AHCY: variants seen among roughly 807,000 people sequenced by gnomAD.
AHCY encodes S-adenosyl-L-homocysteine hydrolase.
In AHCY, 24 loss-of-function variants were observed where a neutral mutation model predicts 45.4. That is an observed-to-expected ratio of 0.53 (90% CI 0.38 to 0.74). The LOEUF (loss-of-function observed/expected upper bound fraction) is 0.74. Among genes scored for constraint, AHCY ranks in the 30% least tolerant of loss-of-function variants. The pLI, the probability that AHCY is intolerant of heterozygous loss-of-function variation, is 0.00. For missense variants in AHCY, 449 were observed against 594.1 expected, an observed-to-expected ratio of 0.76 and a Z score of 2.54; for synonymous variants, 245 against 235.1, an observed-to-expected ratio of 1.04 and a Z score of -0.39.
chr20:34,283,000 T>C (rs2036052179), intron 9 of AHCY, among the ~76,000 whole-genome samples: 3 of 152,174 alleles, frequency 2.0e-5, no homozygotes, highest in Admixed American at 2.0e-4. Flanking sequence ...CGGTTTATCC[T>C]TGTATCTTCA....
At chr20:34,245,417 C>G in the AHCY span, among the ~76,000 whole-genome samples, 2 of 150,854 alleles carry the variant, frequency 1.3e-5, no homozygotes, top group Non-Finnish European at 2.9e-5. Flanking sequence ...TAGACAGAGT[C>G]TCACTCTGTC....
At chr20:34,243,775 A>AAC in the AHCY span, among the ~76,000 whole-genome samples, 300 of 151,856 alleles carry the variant, frequency 2.0e-3, 4 homozygotes, top group African/African-American at 7.1e-3. Context: ...AAAAAAAAAA[A>AAC]ACTGTCTCGC....
chr20:34,233,143 C>CTTTT, the AHCY span, among the ~76,000 whole-genome samples: 134 of 100,314 alleles, frequency 1.3e-3, 7 homozygotes, highest in African/African-American at 4.7e-3. Context: ...GGGACAAGAG[C>CTTTT]TTTTTTTTTT....
At position 34,290,837 on chromosome 20, in the gene AHCY, GC is replaced by G. The variant is rs781597431; in HGVS notation, c.659del (p.Gly220AlafsTer40). 6.2e-7 allele frequency: 1 copy of G among 1,614,072 alleles called. No homozygotes were observed. The highest frequency in any genetic ancestry group is 8.5e-7 in the Non-Finnish European group (1 of 1,179,998). ...MIAGKVAVVA[G>X]YGDVGKGCAQ... ...CACAGCCCTTGCCCACATCACCATA[GC>G]CTGCTACCACCGCTACCTTGCCGGC... is the stretch of plus-strand genomic sequence containing the variant. On this transcript the variant is annotated frameshift_variant, in exon 6 of 10. Transcript: ENST00000217426. LOFTEE classifies it high-confidence loss of function. The surrounding 1 kb of genome is among the most constrained non-coding windows in gnomAD (Gnocchi z 4.5).
chr20:34,249,684 A>C, the AHCY span, among the ~76,000 whole-genome samples: 1 of 152,028 alleles, frequency 6.6e-6, no homozygotes, highest in Non-Finnish European at 1.5e-5. Flanking sequence ...CTCAACTCTA[A>C]CACTTCCCCC....
At chr20:34,262,884 ATCT>A in the AHCY span, 1 of 1,614,054 alleles carries the variant, frequency 6.2e-7, no homozygotes, top group South Asian at 1.1e-5. Context: ...AAAAGAAAAG[ATCT>A]TCTAAGGTAA....
the AHCY span, among the ~76,000 whole-genome samples, chr20:34,261,302 C>A: frequency 1.3e-5 from 2 of 151,868 alleles, no homozygotes; most frequent in Non-Finnish European, 2.9e-5. Context: ...AGTTCAAGAC[C>A]AGACTGAGCG....
At chr20:34,288,194 G>A (rs985268377) in intron 8 of AHCY, among the ~76,000 whole-genome samples, 1 of 62,942 alleles carries the variant, frequency 1.6e-5, no homozygotes, top group Non-Finnish European at 6.9e-5. Context: ...GAGCACCCAA[G>A]AGGAGCAGTG....
intron 1 of AHCY, chr20:34,302,890 T>C (rs770318245): frequency 2.0e-6 from 2 of 985,294 alleles, no homozygotes; most frequent in African/African-American, 1.7e-5. Context: ...GGTCCAGGCC[T>C]AGGAGGCCGG....
downstream of AHCY, among the ~76,000 whole-genome samples, chr20:34,277,210 A>C (rs2035916233): frequency 1.3e-5 from 2 of 152,136 alleles, no homozygotes; most frequent in African/African-American, 4.8e-5. Context: ...AGAGGTGGGC[A>C]TGGGGCTTGG....
At chr20:34,297,213 G>A (rs556557373) in intron 1 of AHCY, among the ~76,000 whole-genome samples, 5 of 151,696 alleles carry the variant, frequency 3.3e-5, no homozygotes, top group East Asian at 1.9e-4. Context: ...AATTAAACCC[G>A]ACCCTCCACT....
At chr20:34,250,498 T>A in the AHCY span, among the ~76,000 whole-genome samples, 1 of 151,994 alleles carries the variant, frequency 6.6e-6, no homozygotes, top group Non-Finnish European at 1.5e-5. Flanking sequence ...TGAGATCACA[T>A]CTCAAAAAAA....
chr20:34,305,257 G>A (rs1267588122), upstream of AHCY, among the ~76,000 whole-genome samples: 2 of 151,936 alleles, frequency 1.3e-5, no homozygotes, highest in Admixed American at 6.6e-5. Flanking sequence ...CCGGGAGGCC[G>A]AGCTTGCAGT....
In AHCY at chr20:34,290,715, C is replaced by A; in HGVS notation, c.766+16G>T. 2 of 1,613,810 alleles carry A rather than the reference C, an allele frequency of 1.2e-6. No homozygotes were observed. The highest frequency in any genetic ancestry group is 1.7e-6 in the Non-Finnish European group (2 of 1,179,976). On this transcript the variant is annotated intron_variant, in intron 6 of 9. Transcript: ENST00000217426. This position sits in a 1 kb window ranked among gnomAD's most constrained non-coding sequence, Gnocchi z 4.5. Reference sequence around the variant, plus strand: ...CTGGCCCCAGTGGCTGACAACCAACCCTTGCCCTATCCTACCCTCCATGGC... The same window carrying A: ...CTGGCCCCAGTGGCTGACAACCAACACTTGCCCTATCCTACCCTCCATGGC...
intron 8 of AHCY, among the ~76,000 whole-genome samples, chr20:34,288,122 C>T (rs1425055365): frequency 1.3e-5 from 2 of 152,136 alleles, no homozygotes; most frequent in Non-Finnish European, 2.9e-5. Context: ...CTCTGCCTAG[C>T]CGGGAACTGA....
At chr20:34,255,784 A>G in the AHCY span, among the ~76,000 whole-genome samples, 8 of 152,228 alleles carry the variant, frequency 5.3e-5, no homozygotes, top group African/African-American at 1.7e-4. Flanking sequence ...CTGGTCTAGC[A>G]GTAATGCCAG....
rs1279254418 is a variant in AHCY, at chr20:34,292,371, C to A, written c.432G>T (p.Pro144=). 1.2e-6 allele frequency: 2 copies of A among 1,613,138 alleles called. No individual in the cohort carries two copies. Among genetic ancestry groups the A allele is most frequent in the Non-Finnish European group, 1.7e-6 (2 of 1,179,988 alleles). The change falls in exon 4 of 10, where the codon CCG becomes CCT. Residue 144 remains proline, a synonymous_variant. Coordinates refer to ENST00000217426, the MANE Select transcript of AHCY (RefSeq NM_000687.4). ...CGCCCTGCTCACCTGGCAGAAGCTGCGGGTACTTGGTGTGGATGAGGTTGG... is the reference window on the plus strand; with the variant it reads ...CGCCCTGCTCACCTGGCAGAAGCTGAGGGTACTTGGTGTGGATGAGGTTGG... The part of the protein sequence containing the change: ...DLTNLIHTKY[P]QLLPGIRGIS...
chr20:34,295,745 C>G (rs754182264), intron 1 of AHCY, among the ~76,000 whole-genome samples, 160 bp from the exon 2 acceptor site: 1 of 152,212 alleles, frequency 6.6e-6, no homozygotes, highest in Non-Finnish European at 1.5e-5. Context: ...ATTTATGAAG[C>G]CAGAGTACTC....
intron 2 of AHCY, chr20:34,295,161 T>C (rs539691509): frequency 6.4e-6 from 4 of 628,378 alleles, no homozygotes; most frequent in Non-Finnish European, 1.1e-5. Context: ...ATCAGGAGGA[T>C]GCCTTGAGGG....
Sources: gnomAD v4.1 joint callset for allele counts (sites outside exome capture counted in the v4.1 genomes callset) on GRCh38, gnomAD v4.1.1 for gene constraint, Gnocchi (gnomAD v3.1) non-coding constraint, MANE v1.5 for transcripts, NCBI Gene and HGNC (gene_info 2026-07-23, HGNC 2026-07-21) for gene names.